Variants in ADGB observed in about 807,000 individuals in gnomAD.
ADGB encodes the protein calpain-7-like protein.
A neutral mutation model predicts 210.5 loss-of-function variants in ADGB; 172 were observed. That is an observed-to-expected ratio of 0.82 (90% CI 0.72 to 0.93). The LOEUF is 0.93. ADGB is among the 40% of genes least tolerant of loss of function. The probability of loss-of-function intolerance (pLI) is 0.00; values close to 1 mark genes in which losing one functional copy is unlikely to be tolerated. For missense variants in ADGB, 2,025 were observed against 1,964.8 expected, an observed-to-expected ratio of 1.03 and a Z score of -0.58; for synonymous variants, 658 against 662.7, an observed-to-expected ratio of 0.99 and a Z score of 0.11.
chr6:146,614,202 T>G, intron 1 of ADGB, among the ~76,000 whole-genome samples: 1 of 80,786 alleles, frequency 1.2e-5, no homozygotes, highest in African/African-American at 4.4e-5. Flanking sequence ...CCTCCCTCCC[T>G]TCCTCCCTTC....
intron 32 of ADGB, among the ~76,000 whole-genome samples, 183 bp downstream of exon 32, chr6:146,785,895 A>G (rs907790980): frequency 1.3e-5 from 2 of 152,066 alleles, no homozygotes; most frequent in Non-Finnish European, 2.9e-5. Flanking sequence ...TTTTCAAATC[A>G]CTTTCACACA....
chr6:146,739,502 AC>A (rs1562288688), intron 23 of ADGB, among the ~76,000 whole-genome samples: 1 of 152,060 alleles, frequency 6.6e-6, no homozygotes, highest in Non-Finnish European at 1.5e-5. Flanking sequence ...GGCCTTTCAA[AC>A]CCCTTCCAAG....
In ADGB at chr6:146,672,430, A is replaced by G. The variant is rs920473357; in HGVS notation, c.1050A>G (p.Thr350=). The change falls in exon 8 of 36, where the codon ACA becomes ACG. Residue 350 remains threonine, a synonymous_variant. Transcript: ENST00000397944. Reference sequence around the variant, plus strand: ...TCAAACCTGAAAGTTCTTTGACAACACTAAAGGCTCCTGAGAAAAGCGACA... The same window carrying G: ...TCAAACCTGAAAGTTCTTTGACAACGCTAAAGGCTCCTGAGAAAAGCGACA... ...KEFKPESSLT[T]LKAPEKSDKV... 4 of 1,549,110 alleles carry G rather than the reference A, an allele frequency of 2.6e-6. No individual in the cohort carries two copies. The highest frequency in any genetic ancestry group is 1.4e-5 in the African/African-American group (1 of 72,746).
At chr6:146,697,886 T>C (rs1399050790) in intron 12 of ADGB, among the ~76,000 whole-genome samples, 1 of 152,140 alleles carries the variant, frequency 6.6e-6, no homozygotes, top group East Asian at 1.9e-4. Context: ...AATAATATAA[T>C]GCAATAAAAG....
intron 35 of ADGB, among the ~76,000 whole-genome samples, chr6:146,807,995 T>TC (rs1778238171): frequency 2.1e-5 from 3 of 143,926 alleles, no homozygotes; most frequent in Admixed American, 2.1e-4. Context: ...TGCTTCAGTT[T>TC]TTTTTTTTTT....
In ADGB at chr6:146,784,735, G is replaced by C. The variant is rs1250469018; in HGVS notation, c.4153G>C (p.Asp1385His). 9 of 1,550,976 alleles carry C rather than the reference G, an allele frequency of 5.8e-6. No homozygotes were observed. In the South Asian group the frequency reaches 8.3e-5, roughly 14 times the overall value. Residue 1385 changes from aspartate (D) to histidine (H), a missense_variant, in exon 31 of 36, where the codon GAT becomes CAT. Transcript: ENST00000397944. ...FEVKKDTERA[D>H]EIRAMKQAWE... ...AGTGAAAAAGGATACAGAAAGGGCA[G>C]ATGAAATCCGAGCCATGAAACAAGC...
intron 17 of ADGB, among the ~76,000 whole-genome samples, chr6:146,722,790 C>CAAAG (rs1776840431): frequency 2.0e-5 from 3 of 152,164 alleles, no homozygotes; most frequent in Non-Finnish European, 4.4e-5. Flanking sequence ...ACCTCCCTTT[C>CAAAG]CCACAATGAA....
chr6:146,750,899 G>C (rs1435693183), intron 26 of ADGB, among the ~76,000 whole-genome samples: 1 of 152,182 alleles, frequency 6.6e-6, no homozygotes. Context: ...AATAGAGAGG[G>C]TTGACGTGGC....
chr6:146,665,793 T>C (rs73785199), intron 6 of ADGB, among the ~76,000 whole-genome samples: 2,875 of 152,220 alleles, frequency 0.019, 58 homozygotes, highest in African/African-American at 0.043. Context: ...TTTTTTCAGA[T>C]TTTTACAGTA....
intron 30 of ADGB, 47 bp downstream of exon 30, chr6:146,782,239 T>A: frequency 7.0e-7 from 1 of 1,427,874 alleles, no homozygotes; most frequent in Non-Finnish European, 9.2e-7. Flanking sequence ...GATTTTAGGT[T>A]CAGTGGATTC....
At chr6:146,628,007 G>T (rs1006491076) in intron 1 of ADGB, among the ~76,000 whole-genome samples, 2 of 152,004 alleles carry the variant, frequency 1.3e-5, no homozygotes, top group African/African-American at 4.8e-5. Flanking sequence ...ATTTTGTGTT[G>T]TCTTAGGTGA....
At chr6:146,642,303 A>G (rs906725471) in intron 2 of ADGB, among the ~76,000 whole-genome samples, 2 of 152,074 alleles carry the variant, frequency 1.3e-5, no homozygotes, top group Admixed American at 6.6e-5. Context: ...AAATTAGTTC[A>G]ACCATTGTGG....
intron 29 of ADGB, chr6:146,770,733 A>G (rs2114632840): frequency 5.2e-6 from 2 of 384,618 alleles, no homozygotes; most frequent in African/African-American, 2.1e-5. Flanking sequence ...AGGAAGAGAA[A>G]GTGGTAGCAC....
chr6:146,602,739 G>C (rs1006704581), intron 1 of ADGB, among the ~76,000 whole-genome samples: 31 of 152,172 alleles, frequency 2.0e-4, no homozygotes, highest in African/African-American at 7.5e-4. Context: ...GGAGGTGAGA[G>C]GCAGGGGAGT....
intron 16 of ADGB, among the ~76,000 whole-genome samples, chr6:146,718,490 G>A (rs1235782946): frequency 6.6e-6 from 1 of 151,902 alleles, no homozygotes; most frequent in African/African-American, 2.4e-5. Flanking sequence ...ATCTTTAGAA[G>A]AGCTGTATCT....
intron 5 of ADGB, among the ~76,000 whole-genome samples, chr6:146,658,431 T>C (rs1583577968): frequency 6.6e-6 from 1 of 151,968 alleles, no homozygotes. Context: ...AGAAAGAAGG[T>C]ACGCAGAGGA....
chr6:146,792,955 A>G (rs944942344), intron 33 of ADGB, among the ~76,000 whole-genome samples: 6 of 152,188 alleles, frequency 3.9e-5, no homozygotes, highest in African/African-American at 1.4e-4. Flanking sequence ...CAGCTCTTAA[A>G]GATGGCATGG....
intron 32 of ADGB, among the ~76,000 whole-genome samples, chr6:146,787,678 CAACATTTCTTCAT>C (rs1777893850): frequency 6.8e-6 from 1 of 147,908 alleles, no homozygotes; most frequent in Admixed American, 6.8e-5. Context: ...TTTCTTATTT[CAACATTTCTTCAT>C]GCTCTTAAGT....
At chr6:146,770,641 G>C (rs956919164) in intron 29 of ADGB, 6 of 463,766 alleles carry the variant, frequency 1.3e-5, no homozygotes, top group African/African-American at 1.0e-4. Context: ...ATCCTGGCCT[G>C]CTGTGTGGGC....
Sources: gnomAD v4.1 joint callset for allele counts (sites outside exome capture counted in the v4.1 genomes callset) on GRCh38, gnomAD v4.1.1 for gene constraint, MANE v1.5 for transcripts, NCBI Gene and HGNC (gene_info 2026-07-23, HGNC 2026-07-21) for gene names.